The following STK31 variants were observed in gnomAD, a reference collection of about 807,000 sequenced individuals.
STK31 encodes serine/threonine kinase 31, also known as serine/threonine-protein kinase 31.
In STK31, 89 loss-of-function variants were observed where a neutral mutation model predicts 129.7. That is an observed-to-expected ratio of 0.69 (90% CI 0.58 to 0.82). The LOEUF (loss-of-function observed/expected upper bound fraction) is 0.82, where lower values mean the gene tolerates loss of function less well. STK31 is among the 40% of genes least tolerant of loss of function. The pLI, the probability that STK31 is intolerant of heterozygous loss-of-function variation, is 0.00. For synonymous variants in STK31, 448 were observed against 395.3 expected, an observed-to-expected ratio of 1.13 and a Z score of -1.58; for missense variants, 1,187 against 1,176.4, an observed-to-expected ratio of 1.01 and a Z score of -0.13.
In STK31 at chr7:23,749,812, A is replaced by G. The variant is rs565358756; in HGVS notation, c.1018-2905A>G. Reference sequence around the variant, plus strand: ...TTTTGTGAGTCTATGTCTCTGGCCCATGAATTCACAAGCATTTCTCAATTT... The same window carrying G: ...TTTTGTGAGTCTATGTCTCTGGCCCGTGAATTCACAAGCATTTCTCAATTT... On this transcript the variant is annotated intron_variant, in intron 8 of 23. Transcript: ENST00000355870. Among the ~76,000 whole-genome samples the G allele has an allele frequency of 2.6e-5, 4 of 152,218 alleles. No individual in the cohort carries two copies. The East Asian group carries it at 5.8e-4, about 22-fold the overall frequency.
chr7:23,732,441 A>T (rs145797742), intron 6 of STK31, among the ~76,000 whole-genome samples: 1,742 of 152,286 alleles, frequency 0.011, 32 homozygotes, highest in African/African-American at 0.04. Context: ...TTGGTATAGT[A>T]TTAAAACACC....
In STK31 at chr7:23,831,946, A is replaced by G. The variant is rs562990218; in HGVS notation, c.2830-190A>G. On this transcript the variant is annotated intron_variant, in intron 23 of 23. Coordinates refer to ENST00000355870, the MANE Select transcript of STK31 (RefSeq NM_031414.5). ...GCCACTGTGCCCAGCCAGATGATCT[A>G]TTTGCAGTGTGATTATCGGCTCATT... is the stretch of plus-strand genomic sequence containing the variant. 7.9e-5 allele frequency among the ~76,000 whole-genome samples: 12 copies of G among 151,892 alleles called. No homozygotes were observed. The South Asian group carries it at 1.0e-3, about 13-fold the overall frequency.
intron 22 of STK31, among the ~76,000 whole-genome samples, chr7:23,808,982 T>TGTGTGTGTGTGTGTGTGCGCC (rs1230870285): frequency 6.7e-6 from 1 of 149,270 alleles, no homozygotes; most frequent in Non-Finnish European, 1.5e-5. Flanking sequence ...CCTGTGTCTG[T>TGTGTGTGTGTGTGTGTGCGCC]TGGCATTTCT....
intron 22 of STK31, among the ~76,000 whole-genome samples, chr7:23,812,373 T>G (rs1021638608): frequency 1.2e-4 from 18 of 151,698 alleles, no homozygotes; most frequent in African/African-American, 3.9e-4. Flanking sequence ...GATTTTTTCT[T>G]TGTCTTTAGT....
chr7:23,755,459 C>T (rs1314993392), intron 10 of STK31, among the ~76,000 whole-genome samples: 1 of 152,166 alleles, frequency 6.6e-6, no homozygotes, highest in Admixed American at 6.5e-5. Context: ...TGCCTGTTCA[C>T]TGTGATGATA....
At chr7:23,831,336 T>C (rs888257020) in intron 23 of STK31, among the ~76,000 whole-genome samples, 2 of 152,226 alleles carry the variant, frequency 1.3e-5, no homozygotes, top group Non-Finnish European at 2.9e-5. Context: ...CTTGCTGAAT[T>C]GATCCCTTTA....
chr7:23,754,545 C>A, intron 10 of STK31, 71 bp downstream of exon 10: 3 of 1,472,612 alleles, frequency 2.0e-6, no homozygotes, highest in South Asian at 1.4e-5. Context: ...TTAATTTCTT[C>A]TAAAAAAAAT....
intron 4 of STK31, among the ~76,000 whole-genome samples, chr7:23,720,052 A>G (rs1786597275): frequency 6.6e-6 from 1 of 152,198 alleles, no homozygotes; most frequent in Admixed American, 6.5e-5. Flanking sequence ...AAACAAACAA[A>G]CAATGGCAGT....
chr7:23,746,165 G>A (rs1297063801), intron 8 of STK31, among the ~76,000 whole-genome samples: 1 of 152,148 alleles, frequency 6.6e-6, no homozygotes, highest in Non-Finnish European at 1.5e-5. Flanking sequence ...GCTTAGGATT[G>A]GGGGGTGGGT....
At chr7:23,771,386 A>C (rs972366490) in intron 14 of STK31, 10 of 234,222 alleles carry the variant, frequency 4.3e-5, no homozygotes, top group South Asian at 4.0e-4. Context: ...ATAATTTGCT[A>C]TATACAGAAA....
At chr7:23,710,638 A>C in intron 1 of STK31, 1 of 1,222,746 alleles carries the variant, frequency 8.2e-7, no homozygotes, top group East Asian at 4.4e-5. Context: ...AAAATCCCTT[A>C]TAAAATAAGT....
At chr7:23,750,438 G>C (rs1471338862) in intron 8 of STK31, among the ~76,000 whole-genome samples, 1 of 152,082 alleles carries the variant, frequency 6.6e-6, no homozygotes, top group Non-Finnish European at 1.5e-5. Context: ...ACTTTGTTCA[G>C]CTTTTTAATA....
chr7:23,791,900 C>T (rs541343098), intron 22 of STK31, among the ~76,000 whole-genome samples: 2 of 152,306 alleles, frequency 1.3e-5, no homozygotes, highest in South Asian at 4.2e-4. Context: ...AGCATGAAAG[C>T]AGCCATAGAC....
At chr7:23,782,611 G>A (rs768845473) in intron 16 of STK31, among the ~76,000 whole-genome samples, 2 of 151,962 alleles carry the variant, frequency 1.3e-5, no homozygotes, top group South Asian at 2.1e-4. Context: ...TTAAAATAGC[G>A]ATCTTGCAAT....
At chr7:23,809,954 G>A (rs1288572040) in intron 22 of STK31, among the ~76,000 whole-genome samples, 1 of 152,174 alleles carries the variant, frequency 6.6e-6, no homozygotes, top group Non-Finnish European at 1.5e-5. Flanking sequence ...ATATATTCCT[G>A]TTATGTATTC....
chr7:23,754,523 G>C (rs1788932558), intron 10 of STK31, 49 bp downstream of exon 10: 1 of 1,514,018 alleles, frequency 6.6e-7, no homozygotes, highest in African/African-American at 1.4e-5. Flanking sequence ...TTGAACATAA[G>C]GAAGTGTTTT....
At chr7:23,710,211 G>A (rs1236519450), upstream of STK31, 6 of 1,609,494 alleles carry the variant, frequency 3.7e-6, no homozygotes, top group Non-Finnish European at 5.1e-6. Flanking sequence ...GCGCAGTGTG[G>A]GGCCCTTGCG....
At position 23,825,755 on chromosome 7, in the gene STK31, T is replaced by C. The variant is rs140759050; in HGVS notation, c.2830-6381T>C. Among the ~76,000 whole-genome samples the C allele has an allele frequency of 7.6e-3, 1,155 of 152,320 alleles. 13 individuals are homozygous for C. The highest frequency in any genetic ancestry group is 0.01 in the Non-Finnish European group (714 of 68,022). ...GCATTTAGTGCTATACATTTCCCTC[T>C]ACACACTGCTTTGAATGTGTCCCAG... On this transcript the variant is annotated intron_variant, in intron 23 of 23. Transcript: ENST00000355870.
intron 8 of STK31, among the ~76,000 whole-genome samples, chr7:23,742,260 A>G (rs1788093656): frequency 6.6e-6 from 1 of 152,206 alleles, no homozygotes; most frequent in African/African-American, 2.4e-5. Context: ...CATGAGCAAG[A>G]AGGTGTATGG....
Sources: gnomAD v4.1 joint callset for allele counts (sites outside exome capture counted in the v4.1 genomes callset) on GRCh38, gnomAD v4.1.1 for gene constraint, MANE v1.5 for transcripts, NCBI Gene and HGNC (gene_info 2026-07-23, HGNC 2026-07-21) for gene names.